Variants in PLEKHO2 observed in about 807,000 individuals in gnomAD.
The protein encoded by PLEKHO2 is pleckstrin homology domain-containing family O member 2.
In PLEKHO2, 20 loss-of-function variants were observed where a neutral mutation model predicts 32.7. The observed-to-expected ratio is 0.61, with a 90% CI of 0.43 to 0.89. The LOEUF is 0.89. PLEKHO2 is among the 40% of genes least tolerant of loss of function. PLEKHO2 has a pLI of 0.00. For missense variants in PLEKHO2, 568 were observed against 621.2 expected (o/e 0.91, Z 0.91); for synonymous variants, 247 against 246.3 (o/e 1.00, Z -0.03).
Position 64,865,332 on chromosome 15 carries a change from G to C in PLEKHO2, c.917G>C (p.Gly306Ala). The part of the protein sequence containing the change: ...SETSEAAPRE[G>A]GKPPTPPPKI... The stretch of plus-strand genomic sequence containing the variant: ...ACTTCTGAGGCTGCCCCCAGGGAGG[G>C]TGGGAAGCCCCCTACACCCCCACCC... Residue 306 changes from glycine (G) to alanine (A), a missense_variant, in exon 6 of 6, where the codon GGT becomes GCT. Physicochemically the swap from Gly to Ala is moderately conservative, Grantham distance 60. Coordinates refer to ENST00000323544, the MANE Select transcript of PLEKHO2 (RefSeq NM_025201.5). 6.2e-7 allele frequency: 1 copy of C among 1,613,906 alleles called. No individual in the cohort carries two copies.
chr15:64,848,833 C>T, intron 2 of PLEKHO2, 91 bp downstream of exon 2: 2 of 1,508,544 alleles, frequency 1.3e-6, no homozygotes, highest in Non-Finnish European at 9.1e-7. Flanking sequence ...GGGTCTGGGG[C>T]CAGAAGACCT....
At position 64,867,525 on chromosome 15, in the gene PLEKHO2, C is replaced by G. The variant is rs1433036860; in HGVS notation, c.*1637C>G. ...CAAGAGCAAGAAGGACATCAGTTGC[C>G]CAGTCATGTGATCCCCTGCCATCTT... On this transcript the variant is annotated 3_prime_UTR_variant, in exon 6 of 6. Transcript: ENST00000323544. 6.6e-6 allele frequency: 1 copy of G among 152,228 alleles called. No individual in the cohort carries two copies. The highest frequency in any genetic ancestry group is 1.5e-5 in the Non-Finnish European group (1 of 68,062). 9.4% of individuals were successfully genotyped at this position (152,228 alleles called of 1,614,324 possible). A position where few individuals can be genotyped will look rare whatever the true frequency, so the allele number is the denominator to read the frequency against.
intron 2 of PLEKHO2, among the ~76,000 whole-genome samples, chr15:64,851,523 C>T (rs997308345): frequency 2.6e-5 from 4 of 152,128 alleles, no homozygotes; most frequent in Non-Finnish European, 4.4e-5. Flanking sequence ...GGTGGGGGAG[C>T]TTGGCCCTGG....
At position 64,859,217 on chromosome 15, in the gene PLEKHO2, A is replaced by G. The variant is rs144030533; in HGVS notation, c.280-677A>G. On this transcript the variant is annotated intron_variant, in intron 3 of 5. Coordinates refer to ENST00000323544, the MANE Select transcript of PLEKHO2 (RefSeq NM_025201.5). ...CTTCCACCTTTTGGCTGTTGTGAAC[A>G]ATGCTATGAGCATGGGTGTACAAAT... 8.9e-4 allele frequency among the ~76,000 whole-genome samples: 135 copies of G among 152,334 alleles called. 1 individual carries two copies. The highest frequency in any genetic ancestry group is 3.2e-3 in the African/African-American group (131 of 41,570).
chr15:64,853,090 T>A (rs1488842151), intron 2 of PLEKHO2, among the ~76,000 whole-genome samples: 2 of 149,742 alleles, frequency 1.3e-5, no homozygotes, highest in Non-Finnish European at 3.0e-5. Flanking sequence ...AGTGAGCCGA[T>A]ATCATGCCAC....
At chr15:64,861,170 C>T (rs1012052920) in intron 4 of PLEKHO2, among the ~76,000 whole-genome samples, 8 of 152,226 alleles carry the variant, frequency 5.3e-5, no homozygotes, top group Non-Finnish European at 8.8e-5. Flanking sequence ...AACCTTCTCT[C>T]CTAGCTAAGC....
intron 5 of PLEKHO2, among the ~76,000 whole-genome samples, chr15:64,862,660 T>G (rs1595832620): frequency 6.6e-6 from 1 of 152,130 alleles, no homozygotes; most frequent in South Asian, 2.1e-4. Context: ...GTGCCACATC[T>G]GGAGAGAGAT....
rs771117166 is a variant in PLEKHO2, at chr15:64,854,927, C to A, written c.169C>A (p.Gln57Lys). ...CTTCTGTCTCCCTCCCCAGGATGATCAGAAGTGTGTGGAGACTGTGGAGCT... is the reference window on the plus strand; with the variant it reads ...CTTCTGTCTCCCTCCCCAGGATGATAAGAAGTGTGTGGAGACTGTGGAGCT... Reference protein sequence around the residue: ...QLLVYENEDDQKCVETVELGS... With the variant: ...QLLVYENEDDKKCVETVELGS... Residue 57 changes from glutamine (Q) to lysine (K), a missense_variant, in exon 3 of 6, where the codon CAG becomes AAG. Transcript: ENST00000323544. 4.3e-6 allele frequency: 7 copies of A among 1,612,852 alleles called. No homozygotes were observed. In the African/African-American group the frequency reaches 9.3e-5, roughly 22 times the overall value.
chr15:64,866,105 A>C lies in PLEKHO2; in HGVS notation c.*217A>C. The stretch of plus-strand genomic sequence containing the variant: ...TGCCACCCAGGGCTACTGCCTGGCT[A>C]TCTGGCCTGGCCTCTGGGCTGGGGC... On this transcript the variant is annotated 3_prime_UTR_variant, in exon 6 of 6. Transcript: ENST00000323544. 1 of 646,140 alleles carries C rather than the reference A, an allele frequency of 1.5e-6. No individual in the cohort carries two copies. Among genetic ancestry groups the C allele is most frequent in the Non-Finnish European group, 2.6e-6 (1 of 381,464 alleles). 40.0% of individuals were successfully genotyped at this position (646,140 alleles called of 1,614,324 possible).
intron 4 of PLEKHO2, 116 bp from the exon 5 acceptor site, chr15:64,861,361 T>G: frequency 1.5e-6 from 1 of 689,596 alleles, no homozygotes; most frequent in Non-Finnish European, 2.4e-6. Context: ...GGCAGGGAGA[T>G]TCCCAGAGAG....
intron 2 of PLEKHO2, among the ~76,000 whole-genome samples, chr15:64,853,073 A>G (rs1053586900): frequency 6.7e-6 from 1 of 150,040 alleles, no homozygotes; most frequent in Non-Finnish European, 1.5e-5. Flanking sequence ...CAGGAGGCAG[A>G]GGTTGCAGTG....
chr15:64,842,256 G>A (rs2140336084), intron 1 of PLEKHO2, among the ~76,000 whole-genome samples: 1 of 152,342 alleles, frequency 6.6e-6, no homozygotes, highest in South Asian at 2.1e-4. Flanking sequence ...GTGGGGCGTC[G>A]TGGTTGTTAC....
intron 1 of PLEKHO2, among the ~76,000 whole-genome samples, chr15:64,843,398 T>A (rs1473980277): frequency 4.6e-5 from 7 of 152,180 alleles, no homozygotes; most frequent in African/African-American, 1.4e-4. Flanking sequence ...CCCAGGCCCC[T>A]GCTGCAAGGG....
In PLEKHO2 at chr15:64,867,990, C is replaced by A. The variant is rs2084702083; in HGVS notation, c.*2102C>A. 6.6e-6 allele frequency: 1 copy of A among 151,996 alleles called. No individual in the cohort carries two copies. The highest frequency in any genetic ancestry group is 1.5e-5 in the Non-Finnish European group (1 of 68,012). The allele number at this position is 151,996 out of a possible 1,614,324, so 9.4% of individuals were successfully genotyped here. A position where few individuals can be genotyped will look rare whatever the true frequency, so the allele number is the denominator to read the frequency against. The stretch of plus-strand genomic sequence containing the variant: ...CTTTCTTAAAGTTTGGCAATAAATC[C>A]ATTTTTATGGAACTTCAGTGCCTCA... On this transcript the variant is annotated 3_prime_UTR_variant, in exon 6 of 6. Coordinates refer to ENST00000323544, the MANE Select transcript of PLEKHO2 (RefSeq NM_025201.5).
intron 1 of PLEKHO2, among the ~76,000 whole-genome samples, chr15:64,845,108 T>C (rs564313609): frequency 5.9e-5 from 9 of 152,260 alleles, no homozygotes; most frequent in Middle Eastern, 6.8e-3. Context: ...ATAAGCTTCC[T>C]GGGATGTGAG....
In PLEKHO2 at chr15:64,848,732, A is replaced by G. The variant is rs575659681; in HGVS notation, c.152A>G (p.Tyr51Cys). Residue 51 changes from tyrosine to cysteine, a missense_variant, in exon 2 of 6, where the codon TAT becomes TGT. Tyr to Cys is a radical substitution (Grantham distance 194, BLOSUM62 -2). Transcript: ENST00000323544. ...LLLCQAQLLV[Y>C]ENEDDQKCVE... ...CTCTGCCAGGCCCAGCTGCTGGTCT[A>G]TGAGAATGAGGTGAGGACCTGCTTG... 7.5e-5 allele frequency: 121 copies of G among 1,614,086 alleles called. No individual in the cohort carries two copies. Among genetic ancestry groups the G allele is most frequent in the African/African-American group, 1.7e-4 (13 of 75,018 alleles).
chr15:64,860,050 G>T, intron 4 of PLEKHO2, 52 bp downstream of exon 4: 5 of 1,523,218 alleles, frequency 3.3e-6, no homozygotes, highest in Non-Finnish European at 3.6e-6. Context: ...TTCCCACTGC[G>T]TGTGATCTAG....
chr15:64,865,919 T>C lies in PLEKHO2; in HGVS notation c.*31T>C. 1 of 1,576,336 alleles carries C rather than the reference T, an allele frequency of 6.3e-7. No homozygotes were observed. The highest frequency in any genetic ancestry group is 8.6e-7 in the Non-Finnish European group (1 of 1,165,530). On this transcript the variant is annotated 3_prime_UTR_variant, in exon 6 of 6. Coordinates refer to ENST00000323544, the MANE Select transcript of PLEKHO2 (RefSeq NM_025201.5). ...TCTGGGCCAGAGGCACCATCCCTTC[T>C]GGCCATCCATCAAGTCCATCAAGGC...
chr15:64,857,225 TCTAAGCTC>T (rs553867778), intron 3 of PLEKHO2, among the ~76,000 whole-genome samples: 99 of 152,336 alleles, frequency 6.5e-4, no homozygotes, highest in African/African-American at 2.3e-3. Flanking sequence ...CCTGTTAGCA[TCTAAGCTC>T]CTAGCAGTGC....
Sources: allele counts gnomAD v4.1 joint callset (sites outside exome capture counted in the v4.1 genomes callset), GRCh38; gene constraint gnomAD v4.1.1; transcripts MANE v1.5; gene names NCBI Gene and HGNC (gene_info 2026-07-23, HGNC 2026-07-21).